The following CGNL1 variants were observed in gnomAD, a reference collection of about 807,000 sequenced individuals.
The protein encoded by CGNL1 is cingulin-like protein 1.
CGNL1 carries 132 observed loss-of-function variants against 141.2 expected under a neutral mutation model. That is an observed-to-expected ratio of 0.93 (90% confidence interval 0.81 to 1.08). The LOEUF is 1.08. Among genes scored for constraint, CGNL1 ranks in the 50% least tolerant of loss-of-function variants. The probability of loss-of-function intolerance (pLI) is 0.00; values close to 1 mark genes in which losing one functional copy is unlikely to be tolerated. For synonymous variants in CGNL1, 690 were observed against 622.1 expected (o/e 1.11, Z -1.63); for missense variants, 1,870 against 1,588.6 (o/e 1.18, Z -3.01).
At chr15:57,448,535 C>G (rs1261583371) in intron 4 of CGNL1, among the ~76,000 whole-genome samples, 2 of 151,938 alleles carry the variant, frequency 1.3e-5, no homozygotes, top group Non-Finnish European at 2.9e-5. Context: ...GTAACCCCAG[C>G]TATTTGGGAG....
intron 8 of CGNL1, among the ~76,000 whole-genome samples, chr15:57,499,725 C>T (rs1413538756): frequency 6.6e-6 from 1 of 152,166 alleles, no homozygotes; most frequent in Non-Finnish European, 1.5e-5. Flanking sequence ...TACTGCATTA[C>T]ATAATTGATT....
chr15:57,390,381 C>G (rs909880625), intron 1 of CGNL1, among the ~76,000 whole-genome samples: 3 of 152,216 alleles, frequency 2.0e-5, no homozygotes, highest in Admixed American at 2.0e-4. Flanking sequence ...AAGCTTTGGT[C>G]TATAAGCAGC....
chr15:57,488,382 G>A (rs1380569445), intron 8 of CGNL1, among the ~76,000 whole-genome samples: 3 of 152,082 alleles, frequency 2.0e-5, no homozygotes, highest in Admixed American at 6.5e-5. Flanking sequence ...CCTTTGAAGC[G>A]CAAAGATTTT....
intron 1 of CGNL1, among the ~76,000 whole-genome samples, chr15:57,382,399 C>T (rs551148577): frequency 6.6e-6 from 1 of 152,252 alleles, no homozygotes; most frequent in African/African-American, 2.4e-5. Context: ...TATGAACGTG[C>T]AATATTTCTG....
chr15:57,543,871 T>C, intron 15 of CGNL1, 92 bp downstream of exon 15: 1 of 916,734 alleles, frequency 1.1e-6, no homozygotes. Context: ...TGGAGGTCCC[T>C]CCTTTACTTG....
chr15:57,398,016 C>T (rs534825485), intron 1 of CGNL1, among the ~76,000 whole-genome samples: 58 of 152,240 alleles, frequency 3.8e-4, no homozygotes, highest in African/African-American at 1.3e-3. Context: ...CTCCTGACCT[C>T]GAGATGCGCC....
At chr15:57,526,428 G>T (rs916438404) in intron 12 of CGNL1, among the ~76,000 whole-genome samples, 2 of 151,816 alleles carry the variant, frequency 1.3e-5, no homozygotes, top group African/African-American at 4.8e-5. Flanking sequence ...GCTCAACTCT[G>T]TTCACTGCCC....
chr15:57,477,302 A>G (rs1441855214), intron 8 of CGNL1, among the ~76,000 whole-genome samples: 2 of 152,220 alleles, frequency 1.3e-5, no homozygotes, highest in African/African-American at 4.8e-5. Context: ...CCATCCCTGA[A>G]TTGTCCAAGA....
At position 57,540,251 on chromosome 15, in the gene CGNL1, C is replaced by G. The variant is rs537725173; in HGVS notation, c.3292-3445C>G. On this transcript the variant is annotated intron_variant, in intron 14 of 18. Coordinates refer to ENST00000281282, the MANE Select transcript of CGNL1 (RefSeq NM_032866.5). The stretch of plus-strand genomic sequence containing the variant: ...TCTCATGCTGCTAATAAAGACATAC[C>G]TGAGACTGGGCAATTTATAAATGTT... Among the ~76,000 whole-genome samples, 7 of 152,304 alleles carry G rather than the reference C, an allele frequency of 4.6e-5. 1 individual carries two copies. In the South Asian group the frequency reaches 1.5e-3, roughly 32 times the overall value.
rs1803884408 is a variant in CGNL1, at chr15:57,546,064, C to A, written c.3610-12C>A. Reference sequence around the variant, plus strand: ...TCAGCCGGCACTCAGCCCACATTCTCTCCCGGTGCAGCTGAGCTTGCGTTT... The same window carrying A: ...TCAGCCGGCACTCAGCCCACATTCTATCCCGGTGCAGCTGAGCTTGCGTTT... On this transcript the variant is annotated splice_polypyrimidine_tract_variant and intron_variant, in intron 17 of 18. Transcript: ENST00000281282. 2 of 1,609,684 alleles carry A rather than the reference C, an allele frequency of 1.2e-6. No individual in the cohort carries two copies. Among genetic ancestry groups the A allele is most frequent in the Admixed American group, 1.7e-5 (1 of 59,880 alleles).
intron 14 of CGNL1, among the ~76,000 whole-genome samples, chr15:57,541,650 G>A (rs1276111667): frequency 1.3e-5 from 2 of 152,168 alleles, no homozygotes; most frequent in East Asian, 1.9e-4. Flanking sequence ...GTGCCCGGAT[G>A]TTTATGCTAC....
intron 8 of CGNL1, among the ~76,000 whole-genome samples, chr15:57,500,691 C>T (rs1359248359): frequency 3.3e-5 from 5 of 152,224 alleles, no homozygotes; most frequent in Non-Finnish European, 5.9e-5. Context: ...TCACCCATTC[C>T]TCTGAAATTC....
chr15:57,460,244 G>C (rs949922656), intron 7 of CGNL1, among the ~76,000 whole-genome samples: 47 of 152,272 alleles, frequency 3.1e-4, no homozygotes, highest in African/African-American at 1.1e-3. Flanking sequence ...CTGGGAAAAG[G>C]CCATCGGATA....
intron 8 of CGNL1, among the ~76,000 whole-genome samples, chr15:57,490,125 A>C (rs779212915): frequency 1.6e-4 from 25 of 152,194 alleles, no homozygotes; most frequent in Non-Finnish European, 3.5e-4. Context: ...ATAGTGAAAA[A>C]AAATGAAAAT....
chr15:57,408,596 T>C (rs1299749800), intron 1 of CGNL1, among the ~76,000 whole-genome samples: 3 of 152,054 alleles, frequency 2.0e-5, no homozygotes, highest in Non-Finnish European at 4.4e-5. Flanking sequence ...GGTCTTAAAC[T>C]CCTGGCCTCA....
Position 57,546,177 on chromosome 15 carries a change from G to A in CGNL1, c.3711G>A (p.Glu1237=). The change falls in exon 18 of 19, where the codon GAG becomes GAA. Residue 1237 remains glutamate, a synonymous_variant. Coordinates refer to ENST00000281282, the MANE Select transcript of CGNL1 (RefSeq NM_032866.5). ...SSKKKLQREL[E]EQMDMNEHLQ... Reference sequence around the variant, plus strand: ...AAAAGAAGCTGCAGAGGGAGCTGGAGGAGCAGATGGACATGAATGAGCATC... The same window carrying A: ...AAAAGAAGCTGCAGAGGGAGCTGGAAGAGCAGATGGACATGAATGAGCATC... 4 of 1,609,922 alleles carry A rather than the reference G, an allele frequency of 2.5e-6. No individual in the cohort carries two copies. The highest frequency in any genetic ancestry group is 3.4e-6 in the Non-Finnish European group (4 of 1,178,056).
rs763987243 is a variant in CGNL1 at position 57,442,389 on chromosome 15, G to A, written c.1714G>A (p.Asp572Asn). 1.1e-5 allele frequency: 17 copies of A among 1,611,146 alleles called. No homozygotes were observed. The highest frequency in any genetic ancestry group is 3.3e-5 in the South Asian group (3 of 90,974). The change falls in exon 4 of 19, where the codon GAT (aspartate) becomes AAT (asparagine). Residue 572 changes from aspartate to asparagine, a missense_variant. Coordinates refer to ENST00000281282, the MANE Select transcript of CGNL1 (RefSeq NM_032866.5). ...CTTTTTCAGAAGCACTGATAATGACGATGCTACTAAAAGGAAAGTCAACTT... is the reference window on the plus strand; with the variant it reads ...CTTTTTCAGAAGCACTGATAATGACAATGCTACTAAAAGGAAAGTCAACTT... ...YLKEGSTDND[D>N]ATKRKVNLVF...
At chr15:57,418,321 C>T (rs1485419954) in intron 1 of CGNL1, among the ~76,000 whole-genome samples, 1 of 152,046 alleles carries the variant, frequency 6.6e-6, no homozygotes, top group Non-Finnish European at 1.5e-5. Flanking sequence ...TAATTGCCTC[C>T]ATCTCATGCC....
In CGNL1 at chr15:57,516,787, AG is replaced by A. The variant is rs1399582894; in HGVS notation, c.2413del (p.Val805SerfsTer20). 1 of 1,614,092 alleles carries A rather than the reference AG, an allele frequency of 6.2e-7. No homozygotes were observed. The highest frequency in any genetic ancestry group is 1.1e-5 in the South Asian group (1 of 91,062). The part of the protein sequence containing the change: ...ESVEEATKNV[E>X]VLASRSNTSE... ...GCTTTGTGTTTTTAACAGAATGTCG[AG>A]GTCTTGGCGAGCAGGAGCAACACTT... On this transcript the variant is annotated frameshift_variant, in exon 9 of 19. Coordinates refer to ENST00000281282, the MANE Select transcript of CGNL1 (RefSeq NM_032866.5). LOFTEE classifies it high-confidence loss of function.
Sources: allele counts gnomAD v4.1 joint callset (sites outside exome capture counted in the v4.1 genomes callset), GRCh38; gene constraint gnomAD v4.1.1; transcripts MANE v1.5; gene names NCBI Gene and HGNC (gene_info 2026-07-23, HGNC 2026-07-21).